ODF2L: variants seen among roughly 807,000 people sequenced by gnomAD.
The protein encoded by ODF2L is outer dense fiber of sperm tails 2 like.
ODF2L carries 76 observed loss-of-function variants against 86.3 expected under a neutral mutation model. That is an observed-to-expected ratio of 0.88 (90% CI 0.73 to 1.07). ODF2L has a LOEUF of 1.07. ODF2L is among the 50% of genes least tolerant of loss of function. The pLI, the probability that ODF2L is intolerant of heterozygous loss-of-function variation, is 0.00. For missense variants in ODF2L, 748 were observed against 717.4 expected (o/e 1.04, Z -0.49); for synonymous variants, 241 against 231.3 (o/e 1.04, Z -0.38).
At chr1:86,385,253 G>A (rs538080122) in intron 3 of ODF2L, among the ~76,000 whole-genome samples, 1 of 151,988 alleles carries the variant, frequency 6.6e-6, no homozygotes, top group African/African-American at 2.4e-5. Flanking sequence ...TTCTAGCTTA[G>A]CCTCTTATCA....
chr1:86,379,682 A>C lies in ODF2L; in HGVS notation c.624+2560T>G, dbSNP rs116643198. 9.0e-3 allele frequency among the ~76,000 whole-genome samples: 1,369 copies of C among 152,328 alleles called. 20 individuals carry two copies. The highest frequency in any genetic ancestry group is 0.032 in the African/African-American group (1,313 of 41,582). ...TACCAAATTTTAATTTACTAGATTT[A>C]GGGGGCACGCCCTGACACTAGAGTT... is the stretch of plus-strand genomic sequence containing the variant. On this transcript the variant is annotated intron_variant, in intron 7 of 17. Coordinates refer to ENST00000317336, the Ensembl canonical transcript of ODF2L.
intron 11 of ODF2L, among the ~76,000 whole-genome samples, chr1:86,365,133 T>C (rs754106174): frequency 6.6e-6 from 1 of 152,184 alleles, no homozygotes; most frequent in Non-Finnish European, 1.5e-5. Flanking sequence ...CTAATCTAGT[T>C]GTATGATCCT....
intron 1 of ODF2L, among the ~76,000 whole-genome samples, chr1:86,390,486 G>C (rs1292281157): frequency 6.6e-6 from 1 of 152,058 alleles, no homozygotes; most frequent in Non-Finnish European, 1.5e-5. Context: ...AATCCACCAT[G>C]ATCAAGCAGG....
chr1:86,346,898 AG>A (rs1255666764), downstream of ODF2L: 3 of 152,214 alleles, frequency 2.0e-5, no homozygotes, highest in Non-Finnish European at 4.4e-5. Context: ...GTATGGTGAG[AG>A]TTAAGAGCAG....
downstream of ODF2L, chr1:86,348,913 T>A: frequency 6.5e-7 from 1 of 1,533,616 alleles, no homozygotes; most frequent in South Asian, 1.3e-5. Flanking sequence ...AGATAAGCAA[T>A]AATAGCATTC....
chr1:86,351,505 A>T (rs1385549123), exon 18 of ODF2L: 3 of 152,172 alleles, frequency 2.0e-5, no homozygotes, highest in Non-Finnish European at 4.4e-5. Context: ...GCCTTGTAGT[A>T]TAGTTTGAAG....
rs775232282 is a variant in ODF2L, at chr1:86,384,690, T to C, written c.358A>G (p.Arg120Gly). 13 of 1,493,748 alleles carry C rather than the reference T, an allele frequency of 8.7e-6. No individual in the cohort carries two copies. In the South Asian group the frequency reaches 1.1e-4, roughly 13 times the overall value. 92.5% of individuals were successfully genotyped at this position (1,493,748 alleles called of 1,614,324 possible). A position where few individuals can be genotyped will look rare whatever the true frequency, so the allele number is the denominator to read the frequency against. Residue 120 changes from arginine to glycine, a missense_variant, in exon 4 of 18, where the codon AGA becomes GGA. Arg to Gly is a moderately radical substitution (Grantham distance 125, BLOSUM62 -2). Coordinates refer to ENST00000317336, the Ensembl canonical transcript of ODF2L. ...TGATGCCTTACTTGTTTGTAGTCTC[T>C]CTTTCTAAGAAGATGTTCTAAAGCT...
At chr1:86,395,184 C>T (rs927217551) in intron 1 of ODF2L, among the ~76,000 whole-genome samples, 1 of 152,148 alleles carries the variant, frequency 6.6e-6, no homozygotes, top group Non-Finnish European at 1.5e-5. Flanking sequence ...ACTTAAAACT[C>T]CAAGAACCTC....
intron 7 of ODF2L, among the ~76,000 whole-genome samples, chr1:86,381,603 T>C: frequency 6.6e-6 from 1 of 151,988 alleles, no homozygotes; most frequent in East Asian, 1.9e-4. Context: ...TATTGCTTCT[T>C]TGCCTTTGGC....
At chr1:86,347,421 G>C (rs190405101), downstream of ODF2L, 29 of 152,186 alleles carry the variant, frequency 1.9e-4, no homozygotes, top group Non-Finnish European at 3.7e-4. Flanking sequence ...GGGCTGCAAG[G>C]GTCAAGCATG....
chr1:86,382,371 G>GA lies in ODF2L; in HGVS notation c.508-14dup. ...TCAAAGTATTTGCCTGTAACAAAGA[G>GA]AAAGAGAAAACCAAAAAAATCCATA... On this transcript the variant is annotated splice_polypyrimidine_tract_variant and intron_variant, in intron 6 of 17. Transcript: ENST00000317336. 1 of 1,607,248 alleles carries GA rather than the reference G, an allele frequency of 6.2e-7. No individual in the cohort carries two copies. Among genetic ancestry groups the GA allele is most frequent in the African/African-American group, 1.3e-5 (1 of 74,474 alleles).
intron 7 of ODF2L, 150 bp downstream of exon 7, chr1:86,382,092 C>T: frequency 1.8e-6 from 2 of 1,135,868 alleles, no homozygotes; most frequent in South Asian, 3.2e-5. Flanking sequence ...AGTTAGGCCA[C>T]AAATATTAAG....
At chr1:86,352,825 CT>C (rs774802065) in intron 17 of ODF2L, 33 bp downstream of exon 16, 1 of 1,315,300 alleles carries the variant, frequency 7.6e-7, no homozygotes, top group South Asian at 1.4e-5. Flanking sequence ...TAAATGTTAT[CT>C]TTTATAATAT....
chr1:86,376,480 T>TA, intron 7 of ODF2L, 62 bp from the exon 8 acceptor site: 1 of 1,005,330 alleles, frequency 9.9e-7, no homozygotes, highest in South Asian at 1.6e-5. Flanking sequence ...GTAAACATTG[T>TA]AAAAATATGT....
rs1436026117 is a variant in ODF2L, at chr1:86,372,542, T to TA, written c.811-3dup. ...AATTGTTTCAGACAACTTGGCTTCC[T>TA]AAAAAATACATAAAAGTATTCATAC... On this transcript the variant is annotated splice_region_variant and splice_polypyrimidine_tract_variant and intron_variant, in intron 8 of 17. Coordinates refer to ENST00000317336, the Ensembl canonical transcript of ODF2L. 6.9e-7 allele frequency: 1 copy of TA among 1,445,646 alleles called. No individual in the cohort carries two copies. The highest frequency in any genetic ancestry group is 9.3e-7 in the Non-Finnish European group (1 of 1,079,536). The allele number at this position is 1,445,646 out of a possible 1,614,324, so 89.6% of individuals were successfully genotyped here.
chr1:86,357,802 AC>A, intron 13 of ODF2L: 1 of 984,238 alleles, frequency 1.0e-6, no homozygotes, highest in Non-Finnish European at 1.2e-6. Context: ...TTGTGACCTC[AC>A]AGTATCTGAA....
rs184177966 is a variant in ODF2L at position 86,351,921 on chromosome 1, C to T, written c.*270G>A. The T allele has an allele frequency of 1.6e-4, 185 of 1,172,222 alleles. 2 individuals are homozygous for T. The African/African-American group carries it at 2.5e-3, about 16-fold the overall frequency. 72.6% of individuals were successfully genotyped at this position (1,172,222 alleles called of 1,614,324 possible). On this transcript the variant is annotated 3_prime_UTR_variant, in exon 18 of 18. Transcript: ENST00000317336. ...ACTAGGGACATTACAGCAAAACCCA[C>T]CTCATTTATTTTTTCAGAGGCTTCA...
intron 7 of ODF2L, among the ~76,000 whole-genome samples, chr1:86,380,226 C>T (rs1660469571): frequency 6.6e-6 from 1 of 152,078 alleles, no homozygotes; most frequent in South Asian, 2.1e-4. Flanking sequence ...AAAATCTAAG[C>T]TTCTTAACTG....
chr1:86,389,638 A>G (rs1025781879), intron 1 of ODF2L, among the ~76,000 whole-genome samples: 1 of 133,624 alleles, frequency 7.5e-6, no homozygotes, highest in African/African-American at 2.6e-5. Context: ...AACTGACAGA[A>G]CATTATTAGC....
Sources: gnomAD v4.1 joint callset for allele counts (sites outside exome capture counted in the v4.1 genomes callset) on GRCh38, gnomAD v4.1.1 for gene constraint, MANE v1.5 for transcripts, NCBI Gene and HGNC (gene_info 2026-07-23, HGNC 2026-07-21) for gene names.